The following PARD3B variants were observed in gnomAD, a reference collection of about 807,000 sequenced individuals.
The protein encoded by PARD3B is partitioning defective 3 homolog B.
PARD3B carries 103 observed loss-of-function variants against 130.2 expected under a neutral mutation model. That is an observed-to-expected ratio of 0.79 (90% CI 0.67 to 0.93). The LOEUF (loss-of-function observed/expected upper bound fraction) is 0.93. Among genes scored for constraint, PARD3B ranks in the 40% least tolerant of loss-of-function variants. PARD3B has a pLI of 0.00. For missense variants in PARD3B, 1,609 were observed against 1,499.2 expected (o/e 1.07, Z -1.21); for synonymous variants, 583 against 553.2 (o/e 1.05, Z -0.76).
chr2:204,848,000 T>C (rs978053901), intron 2 of PARD3B, among the ~76,000 whole-genome samples: 1 of 152,168 alleles, frequency 6.6e-6, no homozygotes, highest in Non-Finnish European at 1.5e-5. Context: ...ATCACGTAGG[T>C]ATTCTATCAT....
chr2:205,195,317 G>A (rs2036624714), intron 15 of PARD3B, among the ~76,000 whole-genome samples: 1 of 152,070 alleles, frequency 6.6e-6, no homozygotes. Context: ...TAAAAGCATT[G>A]GCTAAAATGC....
Position 205,158,653 on chromosome 2 carries a change from T to C in PARD3B, c.1435-69T>C, listed in dbSNP as rs1268930143. The C allele has an allele frequency of 7.0e-7, 1 of 1,432,098 alleles. No homozygotes were observed. Among genetic ancestry groups the C allele is most frequent in the East Asian group, 2.3e-5 (1 of 43,656 alleles). The allele number at this position is 1,432,098 out of a possible 1,614,324, so 88.7% of individuals were successfully genotyped here. On this transcript the variant is annotated intron_variant, in intron 10 of 22. Coordinates refer to ENST00000406610, the MANE Select transcript of PARD3B (RefSeq NM_001302769.2). The surrounding 1 kb of genome is among the most constrained non-coding windows in gnomAD (Gnocchi z 5.4). ...TCCTACTGATTGCATCTGTGTCTGG[T>C]CATCTGAGAGAGTGAAATATTAATC...
At chr2:205,242,478 C>A (rs532865827) in intron 15 of PARD3B, among the ~76,000 whole-genome samples, 1 of 152,054 alleles carries the variant, frequency 6.6e-6, no homozygotes, top group African/African-American at 2.4e-5. Flanking sequence ...ATAATAAAAC[C>A]GTACAGTCTA....
chr2:205,111,097 A>G (rs1703615632), intron 5 of PARD3B, among the ~76,000 whole-genome samples: 1 of 152,138 alleles, frequency 6.6e-6, no homozygotes, highest in Non-Finnish European at 1.5e-5. Flanking sequence ...CTTGAAACAA[A>G]TAATAGATAA....
intron 1 of PARD3B, among the ~76,000 whole-genome samples, chr2:204,555,259 T>C (rs1323616218): frequency 6.6e-6 from 1 of 152,100 alleles, no homozygotes; most frequent in African/African-American, 2.4e-5. Context: ...TTTTCACTAA[T>C]AAATTATATC....
intron 22 of PARD3B, among the ~76,000 whole-genome samples, chr2:205,605,903 G>A (rs1291141673): frequency 1.3e-5 from 2 of 152,188 alleles, no homozygotes; most frequent in African/African-American, 2.4e-5. Context: ...CAGGAGCTCA[G>A]TCCCAGCGAG....
intron 1 of PARD3B, among the ~76,000 whole-genome samples, chr2:204,559,000 T>C (rs2125052547): frequency 6.6e-6 from 1 of 152,322 alleles, no homozygotes; most frequent in South Asian, 2.1e-4. Flanking sequence ...TATAGAAAGC[T>C]GAAACTGGAT....
At chr2:204,772,302 G>T (rs555585793) in intron 2 of PARD3B, among the ~76,000 whole-genome samples, 2 of 151,970 alleles carry the variant, frequency 1.3e-5, no homozygotes, top group Non-Finnish European at 2.9e-5. Context: ...AGGTTTTCTT[G>T]TTCTGGAGAT....
At position 205,440,449 on chromosome 2, in the gene PARD3B, G is replaced by C; in HGVS notation, c.2821G>C (p.Val941Leu). The C allele has an allele frequency of 6.2e-7, 1 of 1,614,114 alleles. No homozygotes were observed. Among genetic ancestry groups the C allele is most frequent in the Non-Finnish European group, 8.5e-7 (1 of 1,179,974 alleles). The change falls in exon 20 of 23, where the codon GTG becomes CTG. Residue 941 changes from valine (V) to leucine (L), a missense_variant. Transcript: ENST00000406610. The surrounding 1 kb of genome is among the most constrained non-coding windows in gnomAD (Gnocchi z 4.2). ...TTATGCTACTGGTGCAATTGGATCA[G>C]TGTATGATATGGATGATGATGAAAT... ...LDYATGAIGS[V>L]YDMDDDEMDP...
chr2:204,747,884 A>G (rs2040306976), intron 2 of PARD3B, among the ~76,000 whole-genome samples: 1 of 152,130 alleles, frequency 6.6e-6, no homozygotes, highest in Non-Finnish European at 1.5e-5. Flanking sequence ...ATTTTATCGC[A>G]TTTACTAGGC....
At chr2:205,581,367 G>A (rs979972820) in intron 22 of PARD3B, among the ~76,000 whole-genome samples, 1 of 139,454 alleles carries the variant, frequency 7.2e-6, no homozygotes, top group Admixed American at 8.0e-5. Context: ...GTGTGTACGT[G>A]TGTATGTATG....
chr2:205,456,504 A>C (rs1189509630), intron 20 of PARD3B, among the ~76,000 whole-genome samples: 1 of 152,048 alleles, frequency 6.6e-6, no homozygotes, highest in Non-Finnish European at 1.5e-5. Context: ...CTCACTGTTG[A>C]GTGTACTGTT....
At chr2:205,560,200 C>G (rs1055699722) in intron 22 of PARD3B, among the ~76,000 whole-genome samples, 1 of 152,254 alleles carries the variant, frequency 6.6e-6, no homozygotes, top group African/African-American at 2.4e-5. Context: ...ATACTCTGCA[C>G]CTATCATATT....
chr2:204,815,568 A>G (rs1575054287), intron 2 of PARD3B, among the ~76,000 whole-genome samples: 2 of 152,030 alleles, frequency 1.3e-5, no homozygotes, highest in East Asian at 3.9e-4. Context: ...TTTTGCTGCT[A>G]ACTTTGCCAT....
At position 205,301,764 on chromosome 2, in the gene PARD3B, T is replaced by A; in HGVS notation, c.2630+63T>A. ...TTGTCTCTCCTGGTAAAATCACTCC[T>A]TTGTCTGTACTCAGAAAAAAGCGCA... is the stretch of plus-strand genomic sequence containing the variant. On this transcript the variant is annotated intron_variant, in intron 18 of 22. Transcript: ENST00000406610. This position sits in a 1 kb window ranked among gnomAD's most constrained non-coding sequence, Gnocchi z 5.2. 6.2e-7 allele frequency: 1 copy of A among 1,613,924 alleles called. No individual in the cohort carries two copies.
chr2:204,897,466 C>T (rs1423867595), intron 2 of PARD3B, among the ~76,000 whole-genome samples: 1 of 148,064 alleles, frequency 6.8e-6, no homozygotes, highest in Non-Finnish European at 1.5e-5. Flanking sequence ...GGACTGTCTC[C>T]CAAAACTCTG....
chr2:204,913,105 C>T (rs868845002), intron 2 of PARD3B, among the ~76,000 whole-genome samples: 2 of 152,268 alleles, frequency 1.3e-5, no homozygotes, highest in South Asian at 4.1e-4. Flanking sequence ...TTAATATGTT[C>T]ACAGGAGACA....
chr2:205,072,128 G>A (rs1050347911), intron 4 of PARD3B, among the ~76,000 whole-genome samples: 1 of 151,854 alleles, frequency 6.6e-6, no homozygotes, highest in African/African-American at 2.4e-5. Flanking sequence ...TGGTATTCCT[G>A]TCATTAATAA....
chr2:204,703,044 A>C (rs2037969251), intron 2 of PARD3B, among the ~76,000 whole-genome samples: 1 of 152,226 alleles, frequency 6.6e-6, no homozygotes, highest in South Asian at 2.1e-4. Flanking sequence ...AGTGCTAAAA[A>C]CATTGCTTAT....
Sources: gnomAD v4.1 joint callset for allele counts (sites outside exome capture counted in the v4.1 genomes callset) on GRCh38, gnomAD v4.1.1 for gene constraint, Gnocchi (gnomAD v3.1) non-coding constraint, MANE v1.5 for transcripts, NCBI Gene and HGNC (gene_info 2026-07-23, HGNC 2026-07-21) for gene names.